ASIC2: variants seen among roughly 807,000 people sequenced by gnomAD.
The protein encoded by ASIC2 is acid sensing ion channel subunit 2, also known as acid-sensing ion channel 2.
ASIC2 carries 25 observed loss-of-function variants against 57.3 expected under a neutral mutation model. The ratio of observed to expected loss-of-function variants is 0.44; its 90% CI spans 0.32 to 0.61. ASIC2 has a LOEUF of 0.61. Among genes scored for constraint, ASIC2 ranks in the 20% least tolerant of loss-of-function variants. The pLI, the probability that ASIC2 is intolerant of heterozygous loss-of-function variation, is 0.06. For synonymous variants in ASIC2, 319 were observed against 307.5 expected, an observed-to-expected ratio of 1.04 and a Z score of -0.39; for missense variants, 641 against 738.1, an observed-to-expected ratio of 0.87 and a Z score of 1.52.
At chr17:33,418,077 T>TGTGC (rs1567854602) in intron 1 of ASIC2, among the ~76,000 whole-genome samples, 4 of 151,062 alleles carry the variant, frequency 2.6e-5, no homozygotes, top group African/African-American at 9.7e-5. Flanking sequence ...TGTGTGTGTG[T>TGTGC]GCAGCCATGC....
At chr17:33,233,434 T>C (rs1004204639) in intron 1 of ASIC2, among the ~76,000 whole-genome samples, 2 of 151,940 alleles carry the variant, frequency 1.3e-5, no homozygotes, top group African/African-American at 4.8e-5. Context: ...AATTCTACTA[T>C]CTGACACAAT....
intron 1 of ASIC2, among the ~76,000 whole-genome samples, chr17:33,599,049 G>T (rs1905056804): frequency 6.6e-6 from 1 of 152,170 alleles, no homozygotes; most frequent in South Asian, 2.1e-4. Flanking sequence ...TCTCCACAGG[G>T]TGGACAAGCC....
At chr17:33,832,398 T>C (rs2141901517) in intron 1 of ASIC2, among the ~76,000 whole-genome samples, 1 of 152,300 alleles carries the variant, frequency 6.6e-6, no homozygotes, top group East Asian at 1.9e-4. Flanking sequence ...GGGATCTCAG[T>C]ATATCAATGT....
At chr17:33,267,226 A>G (rs1463065800) in intron 1 of ASIC2, among the ~76,000 whole-genome samples, 1 of 149,898 alleles carries the variant, frequency 6.7e-6, no homozygotes, top group African/African-American at 2.5e-5. Context: ...ACTCACATGC[A>G]CCCCTTACCC....
At chr17:33,290,859 T>C (rs936554363) in intron 1 of ASIC2, 10 of 152,490 alleles carry the variant, frequency 6.6e-5, no homozygotes, top group African/African-American at 2.2e-4. Context: ...TTCTCCTAGA[T>C]TCTAAGTGTT....
At chr17:33,624,719 G>A (rs1597811294) in intron 1 of ASIC2, among the ~76,000 whole-genome samples, 1 of 152,150 alleles carries the variant, frequency 6.6e-6, no homozygotes, top group South Asian at 2.1e-4. Context: ...ATAAAGTGGG[G>A]CACTGGATGG....
intron 5 of ASIC2, among the ~76,000 whole-genome samples, chr17:33,025,024 C>G (rs2091853039): frequency 6.6e-6 from 1 of 152,156 alleles, no homozygotes; most frequent in East Asian, 1.9e-4. Flanking sequence ...GTGTTTCCAG[C>G]TACCCTGGGT....
At chr17:33,318,471 G>A (rs1906742446) in intron 1 of ASIC2, among the ~76,000 whole-genome samples, 1 of 152,138 alleles carries the variant, frequency 6.6e-6, no homozygotes, top group African/African-American at 2.4e-5. Flanking sequence ...CAGTAAGTGG[G>A]TTGCCTCCCT....
chr17:33,047,112 G>A (rs16588), intron 3 of ASIC2, among the ~76,000 whole-genome samples: 32,146 of 152,196 alleles, frequency 0.21, 3,732 homozygotes, highest in East Asian at 0.36. Flanking sequence ...CCTCTTCCTG[G>A]ATCTTTTCAG....
intron 1 of ASIC2, among the ~76,000 whole-genome samples, chr17:33,899,529 GGTCA>G (rs539749158): frequency 9.2e-5 from 14 of 152,256 alleles, no homozygotes; most frequent in Admixed American, 9.2e-4. Context: ...GATGAATGAG[GGTCA>G]AAGCCTACAG....
At chr17:33,574,895 T>G (rs1159483059) in intron 1 of ASIC2, among the ~76,000 whole-genome samples, 1 of 151,878 alleles carries the variant, frequency 6.6e-6, no homozygotes, top group Non-Finnish European at 1.5e-5. Flanking sequence ...TGTGTTAATA[T>G]TCATATTTTA....
rs947669856 is a variant in ASIC2, at chr17:33,013,795, G to A, written c.*170C>T. The A allele has an allele frequency of 7.8e-6, 5 of 640,448 alleles. No individual in the cohort carries two copies. Among genetic ancestry groups the A allele is most frequent in the African/African-American group, 3.7e-5 (2 of 54,780 alleles). The allele number at this position is 640,448 out of a possible 1,614,324, so 39.7% of individuals were successfully genotyped here. ...GCACGGCGGGGCCCAAGGATGCGTC[G>A]TGTTGGACGTGGCCGGAGCGAGGTC... is the stretch of plus-strand genomic sequence containing the variant. On this transcript the variant is annotated 3_prime_UTR_variant, in exon 10 of 10. Transcript: ENST00000225823.
At chr17:33,555,339 C>G (rs1414658191) in intron 1 of ASIC2, among the ~76,000 whole-genome samples, 2 of 152,090 alleles carry the variant, frequency 1.3e-5, no homozygotes, top group Non-Finnish European at 1.5e-5. Flanking sequence ...AATACATGTC[C>G]TATTAACAGC....
At chr17:33,063,006 A>C (rs1291884794) in intron 3 of ASIC2, among the ~76,000 whole-genome samples, 4 of 151,524 alleles carry the variant, frequency 2.6e-5, no homozygotes, top group Admixed American at 1.3e-4. Flanking sequence ...TTTGTTTTCG[A>C]TTTGCTTGGC....
chr17:34,133,367 C>T (rs910079359), intron 1 of ASIC2, among the ~76,000 whole-genome samples: 4 of 152,160 alleles, frequency 2.6e-5, no homozygotes, highest in African/African-American at 9.7e-5. Flanking sequence ...TTTCCTCTCA[C>T]CTAAAAAAGG....
intron 3 of ASIC2, among the ~76,000 whole-genome samples, chr17:33,078,803 G>GAACCAGGC (rs1224407206): frequency 6.6e-6 from 1 of 152,222 alleles, no homozygotes; most frequent in Non-Finnish European, 1.5e-5. Context: ...GCTCTAAGAA[G>GAACCAGGC]AACCAGGCTA....
At chr17:33,849,831 T>A (rs1268801726) in intron 1 of ASIC2, among the ~76,000 whole-genome samples, 1 of 152,164 alleles carries the variant, frequency 6.6e-6, no homozygotes, top group Non-Finnish European at 1.5e-5. Context: ...TAAGGGCTTT[T>A]TTCAAAGGAG....
chr17:33,188,081 A>G (rs1004523430), intron 1 of ASIC2, among the ~76,000 whole-genome samples: 2 of 152,160 alleles, frequency 1.3e-5, no homozygotes, highest in African/African-American at 2.4e-5. Context: ...TTGCTCAAGA[A>G]GATAGAGAAA....
intron 1 of ASIC2, among the ~76,000 whole-genome samples, chr17:33,950,169 C>A (rs555174126): frequency 6.6e-6 from 1 of 152,192 alleles, no homozygotes; most frequent in Non-Finnish European, 1.5e-5. Flanking sequence ...TCTAATCAGG[C>A]GCTTTTGCTG....
Sources: gnomAD v4.1 joint callset for allele counts (sites outside exome capture counted in the v4.1 genomes callset) on GRCh38, gnomAD v4.1.1 for gene constraint, MANE v1.5 for transcripts, NCBI Gene and HGNC (gene_info 2026-07-23, HGNC 2026-07-21) for gene names.